The following GPKOW variants were observed in gnomAD, a reference collection of about 807,000 sequenced individuals.
GPKOW encodes the protein G-patch domain and KOW motifs-containing protein.
For synonymous variants in GPKOW, 167 were observed against 159.1 expected, an observed-to-expected ratio of 1.05 and a Z score of -0.37; for missense variants, 359 against 404.7, an observed-to-expected ratio of 0.89 and a Z score of 0.97.
chrX:49,122,651 A>G lies in GPKOW; in HGVS notation c.302T>C (p.Val101Ala). ...TDTGALADGV[V>A]SQAVKELIAE... ...AATGAGCTCCTTCACAGCCTGGGAC[A>G]CCACCCCATCCGCCAAGGCCCCAGT... The change falls in exon 2 of 11, where the codon GTG (valine) becomes GCG (alanine). Residue 101 changes from valine (V) to alanine (A), a missense_variant. Val to Ala is a moderately conservative substitution (Grantham distance 64, BLOSUM62 0). Coordinates refer to ENST00000156109, the MANE Select transcript of GPKOW (RefSeq NM_015698.6). 1 of 1,211,553 alleles carries G rather than the reference A, an allele frequency of 8.3e-7. No individual in the cohort carries two copies. Among genetic ancestry groups the G allele is most frequent in the Non-Finnish European group, 1.1e-6 (1 of 895,142 alleles).
chrX:49,119,845 G>T, intron 3 of GPKOW, 31 bp from the exon 4 acceptor site: 1 of 904,778 alleles, frequency 1.1e-6, no homozygotes, highest in Non-Finnish European at 1.6e-6. Context: ...AGGAGGGTCA[G>T]GCTTTGCTTA....
Position 49,118,342 on chromosome X carries a change from A to G in GPKOW, c.567-532T>C, listed in dbSNP as rs782078115. Among the ~76,000 whole-genome samples the G allele has an allele frequency of 1.8e-4, 20 of 111,923 alleles. No homozygotes were observed. In the South Asian group the frequency reaches 5.1e-3, roughly 29 times the overall value. On this transcript the variant is annotated intron_variant, in intron 4 of 10. Transcript: ENST00000156109. The stretch of plus-strand genomic sequence containing the variant: ...TGCTGCATATACCATCTATTACATA[A>G]TATCTACAGTGAGATCAGAGGCAGA...
rs781891504 is a variant in GPKOW at position 49,113,701 on chromosome X, G to A, written c.1351C>T (p.Pro451Ser). Residue 451 changes from proline to serine, a missense_variant, in exon 11 of 11, where the codon CCA (proline) becomes TCA (serine). Pro to Ser is a moderately conservative substitution (Grantham distance 74). Coordinates refer to ENST00000156109, the MANE Select transcript of GPKOW (RefSeq NM_015698.6). ...AGCTCCACCACCTGATTTTCTCTTG[G>A]CAGTTGCACCAAAGCCCGGCTCCGT... ...RARSRALVQL[P>S]RENQVVELHY... 2.0e-5 allele frequency: 24 copies of A among 1,208,807 alleles called. No individual in the cohort carries two copies. Among genetic ancestry groups the A allele is most frequent in the Non-Finnish European group, 2.6e-5 (23 of 893,581 alleles).
At chrX:49,114,772 A>G (rs1226584574) in intron 9 of GPKOW, among the ~76,000 whole-genome samples, 3 of 106,225 alleles carry the variant, frequency 2.8e-5, no homozygotes, top group Non-Finnish European at 5.8e-5. Flanking sequence ...TAAAAATACC[A>G]AAATTAGCTG....
intron 8 of GPKOW, 47 bp downstream of exon 8, chrX:49,115,844 C>T: frequency 8.3e-7 from 1 of 1,200,271 alleles, no homozygotes; most frequent in Non-Finnish European, 1.1e-6. Context: ...GGTAGGGGGG[C>T]CCAGTCCCTA....
At chrX:49,118,757 A>C (rs1408867708) in intron 4 of GPKOW, among the ~76,000 whole-genome samples, 2 of 103,141 alleles carry the variant, frequency 1.9e-5, no homozygotes, top group Non-Finnish European at 4.0e-5. Context: ...AAAAAAAAAA[A>C]AAAAAAAAAC....
intron 4 of GPKOW, 105 bp downstream of exon 4, chrX:49,119,600 T>C: frequency 2.2e-6 from 1 of 462,920 alleles, no homozygotes; most frequent in Non-Finnish European, 3.8e-6. Flanking sequence ...GGCGATAATG[T>C]ATCCTCCCTC....
chrX:49,122,747 A>C lies in GPKOW; in HGVS notation c.206T>G (p.Leu69Arg). 8.3e-7 allele frequency: 1 copy of C among 1,210,209 alleles called. No homozygotes were observed. Among genetic ancestry groups the C allele is most frequent in the South Asian group, 1.8e-5 (1 of 56,806 alleles). ...SVKPQEAPKELVIPLIQNGHR... is the reference protein window; with the variant it reads ...SVKPQEAPKERVIPLIQNGHR... ...GCCATTCTGGATCAAAGGGATGACG[A>C]GTTCCTTGGGGGCCTCCTGGGGCTT... Residue 69 changes from leucine to arginine, a missense_variant, in exon 2 of 11, where the codon CTC (leucine) becomes CGC (arginine). Coordinates refer to ENST00000156109, the MANE Select transcript of GPKOW (RefSeq NM_015698.6).
intron 7 of GPKOW, 61 bp downstream of exon 7, chrX:49,116,160 G>T: frequency 9.2e-7 from 1 of 1,089,765 alleles, no homozygotes; most frequent in Non-Finnish European, 1.3e-6. Context: ...GCCTTCCCTG[G>T]CTGCTCGAGC....
Position 49,122,434 on chromosome X carries a change from G to A in GPKOW, c.420C>T (p.Ser140=), listed in dbSNP as rs377425815. The change falls in exon 3 of 11, where the codon AGC becomes AGT. Residue 140 remains serine, a synonymous_variant. Coordinates refer to ENST00000156109, the MANE Select transcript of GPKOW (RefSeq NM_015698.6). The stretch of plus-strand genomic sequence containing the variant: ...GGGGTTCGCTGTCTGCCCCTTCCCC[G>A]CTGGGGGTGCATCCTTTCTGGATCA... The part of the protein sequence containing the change: ...IPMIQKGCTP[S]GEGADSEPRA... 23 of 1,181,151 alleles carry A rather than the reference G, an allele frequency of 1.9e-5. No homozygotes were observed. Among genetic ancestry groups the A allele is most frequent in the East Asian group, 9.0e-5 (3 of 33,445 alleles).
At chrX:49,118,900 T>C (rs868986042) in intron 4 of GPKOW, among the ~76,000 whole-genome samples, 2 of 109,668 alleles carry the variant, frequency 1.8e-5, no homozygotes, top group African/African-American at 6.6e-5. Flanking sequence ...CTACGCTTTC[T>C]TGGGGTCAGG....
At position 49,116,334 on chromosome X, in the gene GPKOW, A is replaced by C. The variant is rs782268800; in HGVS notation, c.914-11T>G. 3.6e-6 allele frequency: 4 copies of C among 1,115,620 alleles called. No individual in the cohort carries two copies. Among genetic ancestry groups the C allele is most frequent in the Non-Finnish European group, 4.9e-6 (4 of 809,649 alleles). The allele number at this position is 1,115,620 out of a possible 1,213,427, so 91.9% of individuals were successfully genotyped here. ...TTCCGTTCTGTTGCCCTGGGGAAGG[A>C]AGTTTTGCTCATCTGGCCTGTTCAA... On this transcript the variant is annotated splice_polypyrimidine_tract_variant and intron_variant, in intron 6 of 10. Coordinates refer to ENST00000156109, the MANE Select transcript of GPKOW (RefSeq NM_015698.6).
chrX:49,116,080 T>C (rs1028260114), intron 7 of GPKOW, 66 bp from the exon 8 acceptor site: 1 of 1,183,187 alleles, frequency 8.5e-7, no homozygotes, highest in East Asian at 3.0e-5. Flanking sequence ...TGCCCTCCCT[T>C]TGCCTATGCT....
At chrX:49,122,913 C>T (rs1557091347) in intron 1 of GPKOW, 137 bp from the exon 2 acceptor site, 1 of 501,080 alleles carries the variant, frequency 2.0e-6, no homozygotes, top group African/African-American at 2.4e-5. Context: ...GTCTGGATCT[C>T]CTGTTCCTCT....
At chrX:49,118,874 A>C (rs782293077) in intron 4 of GPKOW, among the ~76,000 whole-genome samples, 1 of 109,925 alleles carries the variant, frequency 9.1e-6, no homozygotes, top group Non-Finnish European at 1.9e-5. Flanking sequence ...CTGCATGACA[A>C]TAGCAAATGT....
rs781783658 is a variant in GPKOW at position 49,113,588 on chromosome X, T to TACCA, written c.*29_*32dup. The TACCA allele has an allele frequency of 5.0e-6, 6 of 1,198,813 alleles. No homozygotes were observed. The South Asian group carries it at 1.1e-4, about 21-fold the overall frequency. Reference sequence around the variant, plus strand: ...ACTTTCTCATATGGTACAGAACTGGTACCAGCCTGGGGGATGGGAGGAGTC... The same window carrying TACCA: ...ACTTTCTCATATGGTACAGAACTGGTACCAACCAGCCTGGGGGATGGGAGGAGTC... On this transcript the variant is annotated 3_prime_UTR_variant, in exon 11 of 11. Transcript: ENST00000156109.
intron 9 of GPKOW, 22 bp from the exon 10 acceptor site, chrX:49,113,960 G>A (rs151311007): frequency 2.9e-5 from 32 of 1,093,114 alleles, no homozygotes; most frequent in Non-Finnish European, 3.9e-5. Context: ...GGAGAGGGGA[G>A]TGAGGCCCAC....
Position 49,119,761 on chromosome X carries a change from G to A in GPKOW, c.510C>T (p.Ala170=), listed in dbSNP as rs782557735. Residue 170 remains alanine, a synonymous_variant, in exon 4 of 11, where the codon GCC becomes GCT. Transcript: ENST00000156109. The part of the protein sequence containing the change: ...EAVPVEAYGL[A]MLRGMGWKPG... ...GTTTCCAGCCCATGCCCCGCAGCAT[G>A]GCCAGCCCATAGGCCTCCACGGGGA... is the stretch of plus-strand genomic sequence containing the variant. 1.7e-6 allele frequency: 2 copies of A among 1,205,726 alleles called. No individual in the cohort carries two copies. Among genetic ancestry groups the A allele is most frequent in the Non-Finnish European group, 1.1e-6 (1 of 890,393 alleles).
chrX:49,114,046 C>G (rs113382970), intron 9 of GPKOW, 108 bp from the exon 10 acceptor site: 14 of 527,335 alleles, frequency 2.7e-5, no homozygotes, highest in Middle Eastern at 4.2e-4. Flanking sequence ...ACCTGTAGTC[C>G]CAGCACTTTG....
Sources: gnomAD v4.1 joint callset for allele counts (sites outside exome capture counted in the v4.1 genomes callset) on GRCh38, gnomAD v4.1.1 for gene constraint, MANE v1.5 for transcripts, NCBI Gene and HGNC (gene_info 2026-07-23, HGNC 2026-07-21) for gene names.